WDR11: variants seen among roughly 807,000 people sequenced by gnomAD.
WDR11 encodes WD repeat domain 11, also known as WD repeat-containing protein 11.
WDR11 carries 83 observed loss-of-function variants against 151.2 expected under a neutral mutation model. The ratio of observed to expected loss-of-function variants is 0.55; its 90% CI spans 0.46 to 0.66. WDR11 has a LOEUF of 0.66. WDR11 is among the 30% of genes least tolerant of loss of function. The pLI, the probability that WDR11 is intolerant of heterozygous loss-of-function variation, is 0.00. For missense variants in WDR11, 1,301 were observed against 1,480.9 expected (o/e 0.88, Z 1.99); for synonymous variants, 484 against 533.1 (o/e 0.91, Z 1.27).
At chr10:120,852,015 C>T in intron 1 of WDR11, 1 of 104,086 alleles carries the variant, frequency 9.6e-6, no homozygotes, top group Non-Finnish European at 2.1e-5. Context: ...GTCTTTATTA[C>T]TCTCTCCTTT....
rs11199616 is a variant in WDR11, at chr10:120,874,103, T to C, written c.1556+180T>C. ...AAGGATGATAACTAATTCTTTGCTGTGTAAAGAACATAAGCAGTAGAGAAT... is the reference window on the plus strand; with the variant it reads ...AAGGATGATAACTAATTCTTTGCTGCGTAAAGAACATAAGCAGTAGAGAAT... On this transcript the variant is annotated intron_variant, in intron 11 of 28. Coordinates refer to ENST00000263461, the MANE Select transcript of WDR11 (RefSeq NM_018117.12). Among the ~76,000 whole-genome samples, 251 of 151,952 alleles carry C rather than the reference T, an allele frequency of 1.7e-3. 7 individuals carry two copies. In the East Asian group the frequency reaches 0.044, roughly 27 times the overall value.
rs754590201 is a variant in WDR11, at chr10:120,902,261, A to C, written c.2692A>C (p.Ile898Leu). 2 of 1,614,112 alleles carry C rather than the reference A, an allele frequency of 1.2e-6. No homozygotes were observed. Among genetic ancestry groups the C allele is most frequent in the Non-Finnish European group, 1.7e-6 (2 of 1,179,958 alleles). Reference protein sequence around the residue: ...QEQLNSLSNDIKKLLLDPEFT... With the variant: ...QEQLNSLSNDLKKLLLDPEFT... ...TTGTCCGGATTTCTTCCACAGTGACATAAAGAAACTGTTGCTTGATCCAGA... is the reference window on the plus strand; with the variant it reads ...TTGTCCGGATTTCTTCCACAGTGACCTAAAGAAACTGTTGCTTGATCCAGA... Residue 898 changes from isoleucine to leucine, a missense_variant, in exon 22 of 29, where the codon ATA becomes CTA. By Grantham distance (5) the Ile-to-Leu change is conservative. Coordinates refer to ENST00000263461, the MANE Select transcript of WDR11 (RefSeq NM_018117.12).
chr10:120,870,667 A>C (rs1320643611), intron 9 of WDR11, among the ~76,000 whole-genome samples: 1 of 152,198 alleles, frequency 6.6e-6, no homozygotes, highest in Non-Finnish European at 1.5e-5. Context: ...ACACTGACAC[A>C]TTAAGGTTTC....
intron 10 of WDR11, among the ~76,000 whole-genome samples, 199 bp downstream of exon 10, chr10:120,871,545 G>C (rs1050253457): frequency 2.0e-5 from 3 of 151,994 alleles, no homozygotes; most frequent in Non-Finnish European, 4.4e-5. Flanking sequence ...ATATTGAATT[G>C]GAATGCTGAG....
chr10:120,886,168 C>T (rs1197746923), intron 15 of WDR11, among the ~76,000 whole-genome samples: 1 of 152,132 alleles, frequency 6.6e-6, no homozygotes, highest in East Asian at 1.9e-4. Flanking sequence ...AATATTCACC[C>T]ATCAGCATCT....
intron 19 of WDR11, 91 bp downstream of exon 19, chr10:120,890,978 T>A: frequency 7.6e-7 from 1 of 1,319,768 alleles, no homozygotes; most frequent in Non-Finnish European, 1.1e-6. Context: ...TGCTTCTGTT[T>A]CATTTCAGTC....
rs1054832826 is a variant in WDR11, at chr10:120,886,791, T to C, written c.2076T>C (p.Thr692=). 10 of 1,613,968 alleles carry C rather than the reference T, an allele frequency of 6.2e-6. No individual in the cohort carries two copies. The highest frequency in any genetic ancestry group is 2.7e-5 in the African/African-American group (2 of 74,944). Residue 692 remains threonine (T), a synonymous_variant, in exon 16 of 29, where the codon ACT becomes ACC. Transcript: ENST00000263461. ...TTGATGGCCAAGTGTATCATCTCACTGTTGAAGGAAACTCAGTAAAAGACA... is the reference window on the plus strand; with the variant it reads ...TTGATGGCCAAGTGTATCATCTCACCGTTGAAGGAAACTCAGTAAAAGACA... ...TDIDGQVYHL[T]VEGNSVKDSA...
rs534353688 is a variant in WDR11 at position 120,859,457 on chromosome 10, C to T, written c.353-652C>T. On this transcript the variant is annotated intron_variant, in intron 3 of 28. Coordinates refer to ENST00000263461, the MANE Select transcript of WDR11 (RefSeq NM_018117.12). ...TAATTTTTTGTATTTTTAGTAGAGA[C>T]GGGGTTTTACCATGTTAGCCAGGAT... Among the ~76,000 whole-genome samples the T allele has an allele frequency of 7.9e-5, 12 of 151,600 alleles. No individual in the cohort carries two copies. The South Asian group carries it at 1.0e-3, about 13-fold the overall frequency.
intron 26 of WDR11, 151 bp downstream of exon 26, chr10:120,905,567 T>C: frequency 2.3e-6 from 2 of 873,624 alleles, no homozygotes; most frequent in Non-Finnish European, 1.9e-6. Context: ...TCCTATTCTT[T>C]ATGAGTGTAA....
At chr10:120,902,690 A>G (rs774696651) in intron 22 of WDR11, among the ~76,000 whole-genome samples, 1 of 151,922 alleles carries the variant, frequency 6.6e-6, no homozygotes, top group Admixed American at 6.5e-5. Flanking sequence ...TCCCCACAGA[A>G]TAAATAGCAC....
intron 19 of WDR11, among the ~76,000 whole-genome samples, chr10:120,895,786 T>G (rs905267161): frequency 3.3e-5 from 5 of 152,058 alleles, no homozygotes; most frequent in African/African-American, 1.2e-4. Context: ...AAAATACAAA[T>G]TAAAATTGTT....
intron 5 of WDR11, among the ~76,000 whole-genome samples, chr10:120,863,215 G>A (rs1407372709): frequency 6.6e-6 from 1 of 152,012 alleles, no homozygotes; most frequent in Non-Finnish European, 1.5e-5. Context: ...TAAAGTTCAG[G>A]CAATTGAATG....
chr10:120,886,788 C>A lies in WDR11; in HGVS notation c.2073C>A (p.Leu691=). The change falls in exon 16 of 29, where the codon CTC becomes CTA. Residue 691 remains leucine, a synonymous_variant. Transcript: ENST00000263461. ...FTDIDGQVYH[L]TVEGNSVKDS... ...ATATTGATGGCCAAGTGTATCATCT[C>A]ACTGTTGAAGGAAACTCAGTAAAAG... The A allele has an allele frequency of 6.2e-7, 1 of 1,614,064 alleles. No individual in the cohort carries two copies. The highest frequency in any genetic ancestry group is 8.5e-7 in the Non-Finnish European group (1 of 1,179,984).
chr10:120,862,936 T>A lies in WDR11; in HGVS notation c.713+15T>A. 6.5e-7 allele frequency: 1 copy of A among 1,533,678 alleles called. No individual in the cohort carries two copies. Among genetic ancestry groups the A allele is most frequent in the Non-Finnish European group, 9.0e-7 (1 of 1,106,922 alleles). ...GAGAAACCTAGGTAAGTTACAAGTG[T>A]AAAATTAACATTCATCTACTTATCT... On this transcript the variant is annotated intron_variant, in intron 5 of 28. Transcript: ENST00000263461.
chr10:120,904,148 T>C lies in WDR11; in HGVS notation c.3027+6T>C, dbSNP rs368396419. 10 of 1,595,314 alleles carry C rather than the reference T, an allele frequency of 6.3e-6. No homozygotes were observed. Among genetic ancestry groups the C allele is most frequent in the Non-Finnish European group, 8.6e-6 (10 of 1,163,200 alleles). On this transcript the variant is annotated splice_donor_region_variant and intron_variant, in intron 24 of 28. Transcript: ENST00000263461. ...AGCTACTGCTCTTGGGTCAAGTATG[T>C]CAGTTTTTATAACTCTACATGCTTC...
intron 17 of WDR11, 130 bp downstream of exon 17, chr10:120,889,314 T>G: frequency 1.4e-6 from 1 of 699,460 alleles, no homozygotes; most frequent in Non-Finnish European, 2.5e-6. Flanking sequence ...CTCGGCTCAC[T>G]GCAAGCTCTG....
chr10:120,906,160 C>G, intron 27 of WDR11, 139 bp downstream of exon 27: 1 of 1,547,564 alleles, frequency 6.5e-7, no homozygotes, highest in Non-Finnish European at 8.7e-7. Flanking sequence ...TCAAAAAACC[C>G]AAAGGAGAAT....
At chr10:120,904,610 T>C (rs187467182) in intron 24 of WDR11, 36 bp from the exon 25 acceptor site, 3 of 1,613,382 alleles carry the variant, frequency 1.9e-6, no homozygotes, top group East Asian at 2.2e-5. Flanking sequence ...TGGAGGAAAA[T>C]GTTCTCATAA....
chr10:120,891,638 G>A (rs1470543571), intron 19 of WDR11, among the ~76,000 whole-genome samples: 1 of 152,164 alleles, frequency 6.6e-6, no homozygotes, highest in Non-Finnish European at 1.5e-5. Context: ...CACACTCTAG[G>A]CTGATATGTA....
Sources: gnomAD v4.1 joint callset for allele counts (sites outside exome capture counted in the v4.1 genomes callset) on GRCh38, gnomAD v4.1.1 for gene constraint, MANE v1.5 for transcripts, NCBI Gene and HGNC (gene_info 2026-07-23, HGNC 2026-07-21) for gene names.